LTK: variants seen among roughly 807,000 people sequenced by gnomAD.
LTK encodes the protein leukocyte receptor tyrosine kinase, also known as leukocyte tyrosine kinase receptor.
LTK carries 117 observed loss-of-function variants against 101.5 expected under a neutral mutation model. The observed-to-expected ratio is 1.15, with a 90% CI of 0.99 to 1.34. The LOEUF (loss-of-function observed/expected upper bound fraction) is 1.34. Among genes scored for constraint, LTK ranks in the 40% most tolerant of loss-of-function variants. The pLI, the probability that LTK is intolerant of heterozygous loss-of-function variation, is 0.00. For synonymous variants in LTK, 563 were observed against 494.2 expected, an observed-to-expected ratio of 1.14 and a Z score of -1.85; for missense variants, 1,252 against 1,164.7, an observed-to-expected ratio of 1.07 and a Z score of -1.09.
intron 3 of LTK, 90 bp downstream of exon 3, chr15:41,512,617 C>G: frequency 7.1e-7 from 1 of 1,407,436 alleles, no homozygotes; most frequent in East Asian, 2.5e-5. Context: ...GTCCAAGACG[C>G]AAGTCGGTGC....
At position 41,511,871 on chromosome 15, in the gene LTK, C is replaced by T; in HGVS notation, c.603G>A (p.Ser201=). 1 of 1,467,518 alleles carries T rather than the reference C, an allele frequency of 6.8e-7. No homozygotes were observed. The highest frequency in any genetic ancestry group is 8.9e-7 in the Non-Finnish European group (1 of 1,121,334). 90.9% of individuals were successfully genotyped at this position (1,467,518 alleles called of 1,614,324 possible). A position where few individuals can be genotyped will look rare whatever the true frequency, so the allele number is the denominator to read the frequency against. The change falls in exon 5 of 20, where the codon TCG becomes TCA. Residue 201 remains serine, a synonymous_variant. Transcript: ENST00000263800. This position sits in a 1 kb window ranked among gnomAD's most constrained non-coding sequence, Gnocchi z 5.9. Reference sequence around the variant, plus strand: ...CCCCGCCACCTCCCGCCCAGCGCCGCGACCCCGGGACCCCTTCGCTCCCAT... The same window carrying T: ...CCCCGCCACCTCCCGCCCAGCGCCGTGACCCCGGGACCCCTTCGCTCCCAT... ...AMDGSEGVPG[S]RRWAGGGGGG...
rs377098802 is a variant in LTK, at chr15:41,512,802, C to T, written c.264G>A (p.Gly88=). 1.4e-5 allele frequency: 22 copies of T among 1,612,496 alleles called. No homozygotes were observed. The African/African-American group carries it at 2.9e-4, about 22-fold the overall frequency. Residue 88 remains glycine (G), a synonymous_variant, in exon 3 of 20, where the codon GGG becomes GGA. Coordinates refer to ENST00000263800, the MANE Select transcript of LTK (RefSeq NM_002344.6). ...RHGPTQTQCD[G]AYAGTSVVVT... is the part of the protein sequence containing the mutation. ...CCACCACGCTGGTCCCCGCGTACGC[C>T]CCGTCACATTGTGTCTGTGTGGGCC... is the stretch of plus-strand genomic sequence containing the variant.
rs1202837732 is a variant in LTK, at chr15:41,505,743, A to G, written c.1667T>C (p.Leu556Pro). 2 of 1,613,832 alleles carry G rather than the reference A, an allele frequency of 1.2e-6. No individual in the cohort carries two copies. The highest frequency in any genetic ancestry group is 1.7e-6 in the Non-Finnish European group (2 of 1,179,948). The stretch of plus-strand genomic sequence containing the variant: ...GATGAGGGCCTCCATGAGGAAATCC[A>G]GCTCATCCTGAGGCGAGCAGAGTTC... ...LPELCSPQDE[L>P]DFLMEALIIS... The change falls in exon 13 of 20, where the codon CTG becomes CCG. Residue 556 changes from leucine to proline, a missense_variant. Physicochemically the swap from Leu to Pro is moderately conservative, Grantham distance 98. Coordinates refer to ENST00000263800, the MANE Select transcript of LTK (RefSeq NM_002344.6).
rs2051450215 is a variant in LTK, at chr15:41,511,285, C to G, written c.876G>C (p.Glu292Asp). 4 of 1,404,732 alleles carry G rather than the reference C, an allele frequency of 2.8e-6. No homozygotes were observed. In the African/African-American group the frequency reaches 4.5e-5, roughly 16 times the overall value. 87.0% of individuals were successfully genotyped at this position (1,404,732 alleles called of 1,614,324 possible). A position where few individuals can be genotyped will look rare whatever the true frequency, so the allele number is the denominator to read the frequency against. Residue 292 changes from glutamate (E) to aspartate (D), a missense_variant, in exon 7 of 20, where the codon GAG becomes GAC. Transcript: ENST00000263800. This position sits in a 1 kb window ranked among gnomAD's most constrained non-coding sequence, Gnocchi z 5.9. The stretch of plus-strand genomic sequence containing the variant: ...AGCAGCCCTGGCCGCCCTCCGCCCC[C>G]TCCTGCAGTGAGCGGCCGGCCTGCG... ...PSPQAGRSLQ[E>D]GAEGGQGCSE...
rs776081785 is a variant in LTK, at chr15:41,504,326, T to G, written c.2346+16A>C. ...GACCCACAAGACCAGGATGTTAGAT[T>G]AGGTCGGGGGCACACCTGAGTGCAG... On this transcript the variant is annotated intron_variant, in intron 19 of 19. Coordinates refer to ENST00000263800, the MANE Select transcript of LTK (RefSeq NM_002344.6). 12 of 1,613,650 alleles carry G rather than the reference T, an allele frequency of 7.4e-6. No individual in the cohort carries two copies. The highest frequency in any genetic ancestry group is 9.3e-6 in the Non-Finnish European group (11 of 1,179,852).
rs1391896877 is a variant in LTK, at chr15:41,509,674, C to T, written c.998-545G>A. The stretch of plus-strand genomic sequence containing the variant: ...AGGAGTCCGAGACTAGCCTGACCAA[C>T]ATGGTGAAACCCCATCTCTACTAAA... On this transcript the variant is annotated intron_variant, in intron 7 of 19. Coordinates refer to ENST00000263800, the MANE Select transcript of LTK (RefSeq NM_002344.6). Among the ~76,000 whole-genome samples the T allele has an allele frequency of 2.6e-5, 4 of 152,202 alleles. No individual in the cohort carries two copies. In the South Asian group the frequency reaches 8.3e-4, roughly 32 times the overall value.
chr15:41,513,794 C>A lies in LTK; in HGVS notation c.-85G>T, dbSNP rs987186395. ...CTAAAGTTGACAGCTCATTTTGCCA[C>A]GGCAGCCCTGGCCACCACTTACAGG... is the stretch of plus-strand genomic sequence containing the variant. On this transcript the variant is annotated 5_prime_UTR_variant, in exon 1 of 20. Transcript: ENST00000263800. 136 of 1,241,582 alleles carry A rather than the reference C, an allele frequency of 1.1e-4. No homozygotes were observed. In the African/African-American group the frequency reaches 1.8e-3, roughly 17 times the overall value. 76.9% of individuals were successfully genotyped at this position (1,241,582 alleles called of 1,614,324 possible).
intron 9 of LTK, 35 bp from the exon 10 acceptor site, chr15:41,507,692 T>G: frequency 6.3e-7 from 1 of 1,586,530 alleles, no homozygotes; most frequent in Non-Finnish European, 8.6e-7. Flanking sequence ...AGTGGGAAGG[T>G]CTTCTCTGTT....
chr15:41,511,481 G>T lies in LTK; in HGVS notation c.755C>A (p.Pro252His). 6.8e-7 allele frequency: 1 copy of T among 1,469,576 alleles called. No homozygotes were observed. The highest frequency in any genetic ancestry group is 1.3e-5 in the South Asian group (1 of 74,200). The allele number at this position is 1,469,576 out of a possible 1,614,324, so 91.0% of individuals were successfully genotyped here. A position where few individuals can be genotyped will look rare whatever the true frequency, so the allele number is the denominator to read the frequency against. The change falls in exon 6 of 20, where the codon CCC becomes CAC. Residue 252 changes from proline (P) to histidine (H), a missense_variant. Coordinates refer to ENST00000263800, the MANE Select transcript of LTK (RefSeq NM_002344.6). The surrounding 1 kb of genome is among the most constrained non-coding windows in gnomAD (Gnocchi z 5.9). ...PRDRGRTQASPEKLENRSEAP... is the reference protein window; with the variant it reads ...PRDRGRTQASHEKLENRSEAP... ...CTCCGAGCGGTTCTCCAGTTTCTCG[G>T]GGGAGGCCTGAGTCCGGCCTCGGTC... is the stretch of plus-strand genomic sequence containing the variant.
rs1005329377 is a variant in LTK at position 41,512,334 on chromosome 15, GAC to G, written c.360-71_360-70del. 22 of 1,503,984 alleles carry G rather than the reference GAC, an allele frequency of 1.5e-5. No individual in the cohort carries two copies. In the African/African-American group the frequency reaches 3.1e-4, roughly 21 times the overall value. The allele number at this position is 1,503,984 out of a possible 1,614,324, so 93.2% of individuals were successfully genotyped here. A position where few individuals can be genotyped will look rare whatever the true frequency, so the allele number is the denominator to read the frequency against. On this transcript the variant is annotated intron_variant, in intron 3 of 19. Transcript: ENST00000263800. ...CCGGCCGCTCCGGGCAGAAGTTGGCGACAGAGGAGGCTCCAGAATTATTTTTT... is the reference window on the plus strand; with the variant it reads ...CCGGCCGCTCCGGGCAGAAGTTGGCGAGAGGAGGCTCCAGAATTATTTTTT...
At chr15:41,510,881 C>A (rs909605630) in intron 7 of LTK, among the ~76,000 whole-genome samples, 4 of 152,214 alleles carry the variant, frequency 2.6e-5, no homozygotes, top group Admixed American at 6.5e-5. Context: ...CTTGCTCACT[C>A]GGCCAGCTCT....
At chr15:41,506,149 A>T in intron 11 of LTK, 144 bp from the exon 12 acceptor site, 1 of 598,788 alleles carries the variant, frequency 1.7e-6, no homozygotes, top group Non-Finnish European at 3.0e-6. Flanking sequence ...GCATGTCCCC[A>T]GGTAGAAGCC....
In LTK at chr15:41,504,052, G is replaced by A. The variant is rs200704162; in HGVS notation, c.2539C>T (p.Leu847Phe). 1.1e-5 allele frequency: 18 copies of A among 1,613,632 alleles called. No individual in the cohort carries two copies. The Admixed American group carries it at 3.0e-4, about 27-fold the overall frequency. ...TGAGGTTGGAGGCCCCTGGATTTGA[G>A]GGGCTTGAGGCCAGAGGACAGCCAG... ...GPWLSSGLKP[L>F]KSRGLQPQNL... The change falls in exon 20 of 20, where the codon CTC becomes TTC. Residue 847 changes from leucine to phenylalanine, a missense_variant. Transcript: ENST00000263800.
chr15:41,512,215 G>A lies in LTK; in HGVS notation c.410C>T (p.Ser137Leu), dbSNP rs1424058775. ...TGAGACGAAGACGCCATGCGCCCGC[G>A]ACAGGTGGTTCTTGGCGCCTTTGCC... ...AGGKGAKNHL[S>L]RAHGVFVSAI... Residue 137 changes from serine (S) to leucine (L), a missense_variant, in exon 4 of 20, where the codon TCG becomes TTG. Physicochemically the swap from Ser to Leu is moderately radical, Grantham distance 145. Transcript: ENST00000263800. 6.2e-7 allele frequency: 1 copy of A among 1,613,102 alleles called. No homozygotes were observed. The highest frequency in any genetic ancestry group is 8.5e-7 in the Non-Finnish European group (1 of 1,179,828).
rs2140686945 is a variant in LTK at position 41,504,508 on chromosome 15, A to G, written c.2253T>C (p.Pro751=). 6.2e-7 allele frequency: 1 copy of G among 1,613,190 alleles called. No homozygotes were observed. The change falls in exon 18 of 20, where the codon CCT becomes CCC. Residue 751 remains proline (P), a splice_region_variant and synonymous_variant. Coordinates refer to ENST00000263800, the MANE Select transcript of LTK (RefSeq NM_002344.6). ...RMDPPRGCPG[P]VYRIMTQCWQ... ...TTCCCGGGCAGCACTCAACTCACAC[A>G]GGCCCTGGGCAGCCCCTAGGAGGGT...
In LTK at chr15:41,511,218, A is replaced by G. The variant is rs545163655; in HGVS notation, c.943T>C (p.Phe315Leu). The G allele has an allele frequency of 9.1e-5, 126 of 1,389,828 alleles. No homozygotes were observed. The African/African-American group carries it at 1.8e-3, about 20-fold the overall frequency. 86.1% of individuals were successfully genotyped at this position (1,389,828 alleles called of 1,614,324 possible). A position where few individuals can be genotyped will look rare whatever the true frequency, so the allele number is the denominator to read the frequency against. The part of the protein sequence containing the change: ...ATLGWAAAGG[F>L]GGGGGACTAG... ...GTGCAGGCCCCGCCGCCGCCCCCGA[A>G]GCCGCCGGCCGCGGCCCAGCCAAGG... Residue 315 changes from phenylalanine to leucine, a missense_variant, in exon 7 of 20, where the codon TTC (phenylalanine) becomes CTC (leucine). Transcript: ENST00000263800. This position sits in a 1 kb window ranked among gnomAD's most constrained non-coding sequence, Gnocchi z 5.9.
intron 7 of LTK, among the ~76,000 whole-genome samples, chr15:41,509,539 C>T (rs78562128): frequency 0.015 from 2,299 of 152,254 alleles, 30 homozygotes; most frequent in Non-Finnish European, 0.025. Flanking sequence ...ATTCGCATTT[C>T]TTTTTAAAAA....
chr15:41,507,223 C>G lies in LTK; in HGVS notation c.1413G>C (p.Lys471Asn), dbSNP rs1162047946. 6.2e-7 allele frequency: 1 copy of G among 1,613,368 alleles called. No homozygotes were observed. The highest frequency in any genetic ancestry group is 1.3e-5 in the African/African-American group (1 of 74,990). ...RLPSPELELS[K>N]LRTSAIRTAP... ...CTGTCCTGATGGCAGAGGTTCGAAG[C>G]TTGCTCAGCTCAAGCTCAGGGCTCG... The change falls in exon 11 of 20, where the codon AAG becomes AAC. Residue 471 changes from lysine to asparagine, a missense_variant. Coordinates refer to ENST00000263800, the MANE Select transcript of LTK (RefSeq NM_002344.6).
At chr15:41,513,317 G>A (rs2051555663) in intron 1 of LTK, among the ~76,000 whole-genome samples, 197 bp from the exon 2 acceptor site, 1 of 152,190 alleles carries the variant, frequency 6.6e-6, no homozygotes, top group South Asian at 2.1e-4. Flanking sequence ...AGGTCTGCCA[G>A]TTTCTCTCCT....
Sources: allele counts gnomAD v4.1 joint callset (sites outside exome capture counted in the v4.1 genomes callset), GRCh38; gene constraint gnomAD v4.1.1; non-coding constraint Gnocchi (gnomAD v3.1); transcripts MANE v1.5; gene names NCBI Gene and HGNC (gene_info 2026-07-23, HGNC 2026-07-21).